PPP2R5C: variants seen among roughly 807,000 people sequenced by gnomAD.
The protein encoded by PPP2R5C is protein phosphatase 2 regulatory subunit B'gamma.
In PPP2R5C, 7 loss-of-function variants were observed where a neutral mutation model predicts 68.9. That is an observed-to-expected ratio of 0.10 (90% CI 0.06 to 0.19). The LOEUF is 0.19. Ranked by LOEUF, PPP2R5C falls within the 10% of genes least tolerant of loss-of-function variation. The probability of loss-of-function intolerance (pLI) is 1.00; values close to 1 mark genes in which losing one functional copy is unlikely to be tolerated. For missense variants in PPP2R5C, 348 were observed against 641.3 expected (o/e 0.54, Z 4.94); for synonymous variants, 210 against 222.2 (o/e 0.95, Z 0.49).
At chr14:101,894,833 G>A (rs960462617) in intron 8 of PPP2R5C, among the ~76,000 whole-genome samples, 3 of 152,238 alleles carry the variant, frequency 2.0e-5, no homozygotes, top group Non-Finnish European at 2.9e-5. Flanking sequence ...GCACTTGAGC[G>A]GTTATTGTAG....
Position 101,819,107 on chromosome 14 carries a change from ATATG to A in PPP2R5C, c.94+9073_94+9076del, listed in dbSNP as rs2039889129. 2.0e-6 allele frequency: 3 copies of A among 1,514,386 alleles called. No individual in the cohort carries two copies. In the East Asian group the frequency reaches 7.4e-5, roughly 37 times the overall value. The allele number at this position is 1,514,386 out of a possible 1,614,324, so 93.8% of individuals were successfully genotyped here. ...AGAGGTGGGTGGTGAGGGTGTCTGTATATGTGTGTTTACATTTGTAGACAGTTTC... is the reference window on the plus strand; with the variant it reads ...AGAGGTGGGTGGTGAGGGTGTCTGTATGTGTTTACATTTGTAGACAGTTTC... On this transcript the variant is annotated intron_variant, in intron 1 of 13. Transcript: ENST00000334743.
At chr14:101,787,693 G>T (rs1001791375) in intron 3 of PPP2R5C, among the ~76,000 whole-genome samples, 2 of 151,360 alleles carry the variant, frequency 1.3e-5, no homozygotes, top group African/African-American at 4.9e-5. Flanking sequence ...CGTGAACCCG[G>T]GAGGCAGAGC....
rs1209803065 is a variant in PPP2R5C, at chr14:101,778,896, C to CA, written c.94-7116dup. ...ACAACATAGTGAGACCTTGTCTCTA[C>CA]AAAAAATACAAAAATTAGCCAGATG... is the stretch of plus-strand genomic sequence containing the variant. On this transcript the variant is annotated intron_variant, in intron 2 of 14. Coordinates refer to the PPP2R5C transcript ENST00000328724. Among the ~76,000 whole-genome samples the CA allele has an allele frequency of 3.9e-5, 6 of 152,040 alleles. No individual in the cohort carries two copies. The East Asian group carries it at 1.2e-3, about 29-fold the overall frequency.
chr14:101,927,908 TTTATC>T (rs1595577959), exon 14 of PPP2R5C: 1 of 152,258 alleles, frequency 6.6e-6, no homozygotes, highest in African/African-American at 2.4e-5. Flanking sequence ...AATATGCTCT[TTTATC>T]TAATTTTCAA....
At chr14:101,848,772 G>A (rs1281848896) in intron 1 of PPP2R5C, among the ~76,000 whole-genome samples, 1 of 152,212 alleles carries the variant, frequency 6.6e-6, no homozygotes, top group African/African-American at 2.4e-5. Context: ...GGGTGGGTGT[G>A]TGGAAGGAGA....
At chr14:101,857,778 G>T (rs1038212960) in intron 2 of PPP2R5C, among the ~76,000 whole-genome samples, 1 of 152,164 alleles carries the variant, frequency 6.6e-6, no homozygotes, top group African/African-American at 2.4e-5. Context: ...ACTTACTGGG[G>T]AGTCAGTGTG....
At chr14:101,790,973 G>A (rs1215648820) in intron 3 of PPP2R5C, among the ~76,000 whole-genome samples, 3 of 152,168 alleles carry the variant, frequency 2.0e-5, no homozygotes, top group Non-Finnish European at 2.9e-5. Context: ...CCAGCTACTC[G>A]GGAGGCTGAG....
intron 2 of PPP2R5C, among the ~76,000 whole-genome samples, chr14:101,871,663 A>G (rs1258191606): frequency 3.3e-5 from 5 of 149,678 alleles, no homozygotes; most frequent in Non-Finnish European, 7.4e-5. Flanking sequence ...TTTTTTTTCT[A>G]TTTGTCCCAC....
intron 2 of PPP2R5C, among the ~76,000 whole-genome samples, chr14:101,881,641 A>C (rs1242085668): frequency 2.0e-5 from 3 of 152,208 alleles, no homozygotes; most frequent in Non-Finnish European, 4.4e-5. Flanking sequence ...GCCGACTCAA[A>C]GGTCGTCCCA....
Position 101,882,314 on chromosome 14 carries a change from C to G in PPP2R5C, c.405+43C>G. ...ATAGACTCGGAGGGCACTGGTGACA[C>G]ATGGGAATGGCCTGGGATCCACAGA... On this transcript the variant is annotated intron_variant, in intron 3 of 13. Coordinates refer to ENST00000334743, the Ensembl canonical transcript of PPP2R5C. This position sits in a 1 kb window ranked among gnomAD's most constrained non-coding sequence, Gnocchi z 4.9. The G allele has an allele frequency of 6.8e-7, 1 of 1,478,114 alleles. No homozygotes were observed. Among genetic ancestry groups the G allele is most frequent in the Non-Finnish European group, 9.3e-7 (1 of 1,073,864 alleles). The allele number at this position is 1,478,114 out of a possible 1,614,324, so 91.6% of individuals were successfully genotyped here.
intron 3 of PPP2R5C, 127 bp downstream of exon 3, chr14:101,786,310 G>T: frequency 1.2e-6 from 1 of 825,760 alleles, no homozygotes; most frequent in Non-Finnish European, 1.8e-6. Flanking sequence ...TCTGTATTGA[G>T]GGGTTTTTTT....
chr14:101,884,759 A>G (rs1432669540), intron 5 of PPP2R5C, among the ~76,000 whole-genome samples: 1 of 152,140 alleles, frequency 6.6e-6, no homozygotes, highest in Non-Finnish European at 1.5e-5. Flanking sequence ...TCAGCCTCCC[A>G]GGCTTCCTGA....
chr14:101,765,350 G>T, intron 2 of PPP2R5C: 1 of 671,162 alleles, frequency 1.5e-6, no homozygotes, highest in South Asian at 1.6e-5. Context: ...CCTTTGAGTT[G>T]ACCCTTAAAT....
chr14:101,875,653 A>T (rs567723742), intron 2 of PPP2R5C, among the ~76,000 whole-genome samples: 1 of 152,322 alleles, frequency 6.6e-6, no homozygotes, highest in South Asian at 2.1e-4. Context: ...ATGAAAGCAG[A>T]TTCAAACTCA....
intron 1 of PPP2R5C, among the ~76,000 whole-genome samples, chr14:101,840,446 A>T (rs1221306210): frequency 7.5e-6 from 1 of 133,570 alleles, no homozygotes; most frequent in Non-Finnish European, 1.5e-5. Flanking sequence ...CTTCTTACCC[A>T]TGTGAGCTTC....
chr14:101,802,784 T>C (rs1464580766), intron 3 of PPP2R5C, among the ~76,000 whole-genome samples: 1 of 151,990 alleles, frequency 6.6e-6, no homozygotes, highest in Non-Finnish European at 1.5e-5. Context: ...GCAAAACAGC[T>C]TGATTTTTTA....
At chr14:101,762,003 C>T (rs1401426084) in intron 1 of PPP2R5C, 83 bp downstream of exon 1, 6 of 1,138,032 alleles carry the variant, frequency 5.3e-6, no homozygotes, top group African/African-American at 3.3e-5. Flanking sequence ...GTCCTGCGCC[C>T]GGGCCCCGGC....
intron 5 of PPP2R5C, among the ~76,000 whole-genome samples, chr14:101,885,726 A>G (rs1290302255): frequency 6.6e-6 from 1 of 152,230 alleles, no homozygotes; most frequent in African/African-American, 2.4e-5. Context: ...ATAACAGAGA[A>G]TGATGTCACT....
chr14:101,761,802 CCGCGGGGG>C, upstream of PPP2R5C: 1 of 946,280 alleles, frequency 1.1e-6, no homozygotes, highest in African/African-American at 2.1e-5. Context: ...GCGGCGGCGG[CCGCGGGGG>C]CGCGACGGCC....
Sources: gnomAD v4.1 joint callset for allele counts (sites outside exome capture counted in the v4.1 genomes callset) on GRCh38, gnomAD v4.1.1 for gene constraint, Gnocchi (gnomAD v3.1) non-coding constraint, MANE v1.5 for transcripts, NCBI Gene and HGNC (gene_info 2026-07-23, HGNC 2026-07-21) for gene names.